The following RASAL2 variants were observed in gnomAD, a reference collection of about 807,000 sequenced individuals.
RASAL2 encodes ras GTPase-activating protein nGAP.
Under a neutral mutation model 128.9 loss-of-function variants are expected in RASAL2, and 58 were observed. That is an observed-to-expected ratio of 0.45 (90% CI 0.36 to 0.56). RASAL2 has a LOEUF of 0.56. Among genes scored for constraint, RASAL2 ranks in the 20% least tolerant of loss-of-function variants. The pLI is 0.00. For missense variants in RASAL2, 1,360 were observed against 1,601.6 expected (o/e 0.85, Z 2.57); for synonymous variants, 561 against 580.8 (o/e 0.97, Z 0.49).
chr1:178,382,873 C>T (rs1672358796), intron 3 of RASAL2, among the ~76,000 whole-genome samples: 1 of 152,106 alleles, frequency 6.6e-6, no homozygotes, highest in Non-Finnish European at 1.5e-5. Flanking sequence ...TACGTGTTTT[C>T]TATCTGAAAC....
In RASAL2 at chr1:178,094,599, C is replaced by T; in HGVS notation, c.107C>T (p.Ala36Val). 5 of 1,611,998 alleles carry T rather than the reference C, an allele frequency of 3.1e-6. No homozygotes were observed. Among genetic ancestry groups the T allele is most frequent in the Non-Finnish European group, 4.2e-6 (5 of 1,179,222 alleles). The part of the protein sequence containing the change: ...DSPLPPEDLD[A>V]VVPVSGAVAG... ...CCGCTGCCCCCGGAGGACCTGGACGCGGTTGTCCCAGTCAGTGGAGCCGTC... is the reference window on the plus strand; with the variant it reads ...CCGCTGCCCCCGGAGGACCTGGACGTGGTTGTCCCAGTCAGTGGAGCCGTC... Residue 36 changes from alanine (A) to valine (V), a missense_variant, in exon 1 of 18, where the codon GCG becomes GTG. Ala to Val is a moderately conservative substitution (Grantham distance 64, BLOSUM62 0). Coordinates refer to ENST00000367649, the MANE Select transcript of RASAL2 (RefSeq NM_170692.4).
Position 178,456,751 on chromosome 1 carries a change from C to A in RASAL2, c.2242C>A (p.Arg748Ser), listed in dbSNP as rs762018539. ...CGTGGCAAAATTGGGGCCTCTCCCT[C>A]GTGTTCTTGCTGATATTACCAAGTC... Reference protein sequence around the residue: ...ATVAKLGPLPRVLADITKSLT... With the variant: ...ATVAKLGPLPSVLADITKSLT... The change falls in exon 13 of 18, where the codon CGT becomes AGT. Residue 748 changes from arginine to serine, a missense_variant. Physicochemically the swap from Arg to Ser is moderately radical, Grantham distance 110 (BLOSUM62 -1). This residue lies in a region of RASAL2 where 741 missense variants were observed against 868.6 expected (regional missense o/e 0.85). Transcript: ENST00000367649. The A allele has an allele frequency of 1.9e-6, 3 of 1,614,140 alleles. No individual in the cohort carries two copies. The highest frequency in any genetic ancestry group is 1.7e-5 in the Admixed American group (1 of 60,014).
At chr1:178,383,603 C>T (rs1473844384) in intron 3 of RASAL2, among the ~76,000 whole-genome samples, 1 of 152,056 alleles carries the variant, frequency 6.6e-6, no homozygotes. Flanking sequence ...TTTTGTTTCA[C>T]AATTTGCCAT....
chr1:178,393,283 C>T (rs886160561), intron 4 of RASAL2, among the ~76,000 whole-genome samples: 1 of 152,140 alleles, frequency 6.6e-6, no homozygotes, highest in Non-Finnish European at 1.5e-5. Flanking sequence ...ATGCAACTCA[C>T]CATAATGTAG....
chr1:178,467,103 G>T (rs780046332), intron 16 of RASAL2, among the ~76,000 whole-genome samples: 11 of 152,162 alleles, frequency 7.2e-5, no homozygotes, highest in Non-Finnish European at 1.2e-4. Flanking sequence ...AGAGAGAAGA[G>T]GGAGGAAATG....
chr1:178,305,531 G>A (rs1667945362), intron 3 of RASAL2, among the ~76,000 whole-genome samples: 1 of 152,158 alleles, frequency 6.6e-6, no homozygotes, highest in African/African-American at 2.4e-5. Context: ...TGGATTGGAT[G>A]TGGAAAGTGA....
chr1:178,159,343 A>C (rs1412389959), intron 1 of RASAL2, among the ~76,000 whole-genome samples: 2 of 152,188 alleles, frequency 1.3e-5, no homozygotes. Context: ...CTTTACTGTC[A>C]TGTATATATT....
At chr1:178,464,828 G>GTTTTTTTTT (rs1647484895) in intron 15 of RASAL2, among the ~76,000 whole-genome samples, 1 of 34,440 alleles carries the variant, frequency 2.9e-5, no homozygotes, top group Non-Finnish European at 5.8e-5. Context: ...TTTGGTTTTA[G>GTTTTTTTTT]TTGTTTTTTT....
chr1:178,297,750 T>C (rs1475631742), intron 2 of RASAL2, among the ~76,000 whole-genome samples: 3 of 152,112 alleles, frequency 2.0e-5, no homozygotes, highest in African/African-American at 7.2e-5. Context: ...ATTTTAAGTT[T>C]TAATACTGGG....
At chr1:178,164,342 C>T (rs535769885) in intron 1 of RASAL2, among the ~76,000 whole-genome samples, 1 of 152,166 alleles carries the variant, frequency 6.6e-6, no homozygotes, top group East Asian at 1.9e-4. Flanking sequence ...ATTATGCCAG[C>T]AATCAGAGAG....
chr1:178,357,970 T>G (rs1670897672), intron 3 of RASAL2, among the ~76,000 whole-genome samples: 1 of 151,824 alleles, frequency 6.6e-6, no homozygotes, highest in Non-Finnish European at 1.5e-5. Flanking sequence ...GTGTGGTGCC[T>G]CACACCTGTA....
At chr1:178,384,927 A>G (rs890588264) in intron 3 of RASAL2, among the ~76,000 whole-genome samples, 1 of 152,208 alleles carries the variant, frequency 6.6e-6, no homozygotes, top group African/African-American at 2.4e-5. Flanking sequence ...TATATGGCAT[A>G]TGACCTTCGG....
At chr1:178,248,963 C>A (rs941069551) in intron 1 of RASAL2, among the ~76,000 whole-genome samples, 2 of 152,116 alleles carry the variant, frequency 1.3e-5, no homozygotes, top group African/African-American at 4.8e-5. Flanking sequence ...TCTCTGGCTG[C>A]CCTTAACATT....
At chr1:178,188,490 A>G (rs1003568866) in intron 1 of RASAL2, among the ~76,000 whole-genome samples, 7 of 152,152 alleles carry the variant, frequency 4.6e-5, no homozygotes, top group Non-Finnish European at 8.8e-5. Context: ...CTAGGTGTTT[A>G]TAGGAGGGCA....
intron 3 of RASAL2, among the ~76,000 whole-genome samples, chr1:178,369,281 G>A (rs986704474): frequency 1.7e-4 from 26 of 152,080 alleles, no homozygotes; most frequent in Admixed American, 6.5e-5. Context: ...GAGTGCAGTG[G>A]CGCGATCTCG....
chr1:178,110,146 C>T (rs926247069), intron 1 of RASAL2, among the ~76,000 whole-genome samples: 19 of 152,054 alleles, frequency 1.2e-4, no homozygotes, highest in African/African-American at 3.9e-4. Context: ...AGAAAATGAA[C>T]ACTTACTTTG....
intron 1 of RASAL2, among the ~76,000 whole-genome samples, chr1:178,140,893 A>G (rs1288964891): frequency 6.6e-6 from 1 of 152,250 alleles, no homozygotes; most frequent in East Asian, 1.9e-4. Context: ...AAGAGGTTTA[A>G]TTGGCTCATG....
chr1:178,302,447 A>G (rs1192797501), intron 3 of RASAL2, among the ~76,000 whole-genome samples: 1 of 152,248 alleles, frequency 6.6e-6, no homozygotes, highest in Non-Finnish European at 1.5e-5. Context: ...ATCTAATAAC[A>G]GATGTGAAAG....
Position 178,464,404 on chromosome 1 carries a change from G to A in RASAL2, c.3379G>A (p.Ala1127Thr), listed in dbSNP as rs776644971. Residue 1127 changes from alanine to threonine, a missense_variant, in exon 15 of 18, where the codon GCT becomes ACT. Around this residue, in one of 3 missense-constraint regions of RASAL2, gnomAD observed 741 missense variants for 868.6 expected, o/e 0.85. Coordinates refer to ENST00000367649, the MANE Select transcript of RASAL2 (RefSeq NM_170692.4). ...GCAAAATCTAGATGAAGCCAAGCAT[G>A]CTGAGAAGGTAGAACCTAGTCTGCT... ...TEQNLDEAKHAEKYEQEITKL... is the reference protein window; with the variant it reads ...TEQNLDEAKHTEKYEQEITKL... 5.0e-6 allele frequency: 8 copies of A among 1,613,670 alleles called. No homozygotes were observed. Among genetic ancestry groups the A allele is most frequent in the Admixed American group, 1.7e-5 (1 of 59,990 alleles).
Sources: allele counts gnomAD v4.1 joint callset (sites outside exome capture counted in the v4.1 genomes callset), GRCh38; gene constraint gnomAD v4.1.1; regional missense constraint gnomAD v4.1.1; transcripts MANE v1.5; gene names NCBI Gene and HGNC (gene_info 2026-07-23, HGNC 2026-07-21).